FRMD4B: variants seen among roughly 807,000 people sequenced by gnomAD.
FRMD4B encodes the protein FERM domain-containing protein 4B.
Under a neutral mutation model 141.5 loss-of-function variants are expected in FRMD4B, and 74 were observed. The observed-to-expected ratio is 0.52, with a 90% CI of 0.43 to 0.63. The LOEUF is 0.63. Among genes scored for constraint, FRMD4B ranks in the 30% least tolerant of loss-of-function variants. The pLI is 0.00. For synonymous variants in FRMD4B, 506 were observed against 467.9 expected, an observed-to-expected ratio of 1.08 and a Z score of -1.05; for missense variants, 1,366 against 1,253.4, an observed-to-expected ratio of 1.09 and a Z score of -1.36.
chr3:69,465,358 C>A (rs1021696742), intron 1 of FRMD4B, among the ~76,000 whole-genome samples: 1 of 151,562 alleles, frequency 6.6e-6, no homozygotes, highest in Admixed American at 6.6e-5. Context: ...TACAGAATTC[C>A]ATGAGACATT....
chr3:69,430,478 T>C (rs1461776800), intron 2 of FRMD4B, among the ~76,000 whole-genome samples: 3 of 152,294 alleles, frequency 2.0e-5, no homozygotes, highest in Middle Eastern at 3.4e-3. Flanking sequence ...TGTAAAGATG[T>C]TGTCTGTCTA....
At chr3:69,197,140 T>C in intron 12 of FRMD4B, 102 bp from the exon 13 acceptor site, 1 of 854,136 alleles carries the variant, frequency 1.2e-6, no homozygotes, top group Non-Finnish European at 1.8e-6. Context: ...TCCTCTTACC[T>C]GTCTTCTGTT....
intron 1 of FRMD4B, among the ~76,000 whole-genome samples, chr3:69,461,348 T>C (rs1350263843): frequency 1.3e-5 from 2 of 151,900 alleles, no homozygotes; most frequent in East Asian, 3.9e-4. Flanking sequence ...TGCTTGAAGC[T>C]GGGAGTTCGA....
At chr3:69,265,003 C>T (rs954003646) in intron 5 of FRMD4B, among the ~76,000 whole-genome samples, 26 of 151,914 alleles carry the variant, frequency 1.7e-4, no homozygotes, top group Admixed American at 8.5e-4. Context: ...CGCCTGTAAT[C>T]CCAACACTTT....
Position 69,534,203 on chromosome 3 carries a change from G to A in FRMD4B, c.-129+8003C>T, listed in dbSNP as rs563069530. On this transcript the variant is annotated intron_variant, in intron 1 of 5. Transcript: ENST00000459638. ...CCTTCATAGGTTTTGCCATTTTCCA[G>A]TACAATCTACACTATGTTTTACCTA... Among the ~76,000 whole-genome samples, 3 of 149,986 alleles carry A rather than the reference G, an allele frequency of 2.0e-5. No homozygotes were observed. In the East Asian group the frequency reaches 6.0e-4, roughly 30 times the overall value.
intron 3 of FRMD4B, among the ~76,000 whole-genome samples, chr3:69,308,438 CT>C (rs112662917): frequency 0.013 from 1,879 of 142,198 alleles, 27 homozygotes; most frequent in African/African-American, 0.045. Context: ...ATCACACTGG[CT>C]TTTTTTTTTT....
intron 1 of FRMD4B, among the ~76,000 whole-genome samples, chr3:69,458,871 AAAGG>A (rs1705660426): frequency 6.6e-6 from 1 of 151,380 alleles, no homozygotes; most frequent in African/African-American, 2.4e-5. Flanking sequence ...AAAAAAAAAA[AAAGG>A]AGTCTAATTT....
rs147028137 is a variant in FRMD4B, at chr3:69,217,617, A to G, written c.789+705T>C. Reference sequence around the variant, plus strand: ...AGACTGGGCAATAGAGCTAGACTCCATCTCAAAAACAAACAACAAAAAAAG... The same window carrying G: ...AGACTGGGCAATAGAGCTAGACTCCGTCTCAAAAACAAACAACAAAAAAAG... On this transcript the variant is annotated intron_variant, in intron 10 of 22. Transcript: ENST00000398540. Among the ~76,000 whole-genome samples the G allele has an allele frequency of 8.8e-3, 1,346 of 152,284 alleles. 13 individuals are homozygous for G. Among genetic ancestry groups the G allele is most frequent in the Non-Finnish European group, 0.014 (926 of 68,012 alleles).
chr3:69,301,144 T>A (rs1007941388), intron 4 of FRMD4B, among the ~76,000 whole-genome samples: 7 of 151,962 alleles, frequency 4.6e-5, no homozygotes, highest in African/African-American at 1.5e-4. Flanking sequence ...AGAAAAAAAA[T>A]TTAATTCATC....
intron 22 of FRMD4B, among the ~76,000 whole-genome samples, chr3:69,173,246 T>C (rs2092607417): frequency 6.6e-6 from 1 of 152,196 alleles, no homozygotes; most frequent in Non-Finnish European, 1.5e-5. Flanking sequence ...TTGACTGTAT[T>C]ATATACTAGG....
intron 2 of FRMD4B, among the ~76,000 whole-genome samples, chr3:69,429,025 T>G (rs543738525): frequency 2.2e-4 from 33 of 152,328 alleles, no homozygotes; most frequent in Admixed American, 1.9e-3. Context: ...GTGTCAGGAT[T>G]TCATAATACA....
chr3:69,427,568 C>T (rs891760388), intron 2 of FRMD4B, among the ~76,000 whole-genome samples: 10 of 146,864 alleles, frequency 6.8e-5, no homozygotes, highest in African/African-American at 2.5e-4. Context: ...AACCTTAGAA[C>T]ACTTGTGTTT....
At chr3:69,209,556 G>A (rs111633480) in intron 11 of FRMD4B, among the ~76,000 whole-genome samples, 2 of 152,136 alleles carry the variant, frequency 1.3e-5, no homozygotes, top group African/African-American at 4.8e-5. Context: ...GGCCCAGAAA[G>A]TTGAGTGACA....
chr3:69,196,295 A>T lies in FRMD4B; in HGVS notation c.1194T>A (p.Ser398Arg). 6.2e-7 allele frequency: 1 copy of T among 1,609,132 alleles called. No individual in the cohort carries two copies. The highest frequency in any genetic ancestry group is 8.5e-7 in the Non-Finnish European group (1 of 1,177,720). The change falls in exon 14 of 23, where the codon AGT becomes AGA. Residue 398 changes from serine to arginine, a missense_variant. Coordinates refer to ENST00000398540, the MANE Select transcript of FRMD4B (RefSeq NM_015123.3). ...TGCCATTACTTGCCATGATGAACTG[A>T]CTTTTCGTCTCCAGTGTCACCAGCT... ...ASKLVTLETK[S>R]QFIMASNGSL... is the part of the protein sequence containing the mutation.
chr3:69,193,499 A>T lies in FRMD4B; in HGVS notation c.1714+149T>A. ...CTCCAGCCTGGGCAACAAGAGTGAA[A>T]CTCTGTCTCCAAATAAAAAAGAAAA... On this transcript the variant is annotated intron_variant, in intron 17 of 22. Coordinates refer to ENST00000398540, the MANE Select transcript of FRMD4B (RefSeq NM_015123.3). 3 of 607,474 alleles carry T rather than the reference A, an allele frequency of 4.9e-6. No homozygotes were observed. The South Asian group carries it at 6.3e-5, about 13-fold the overall frequency. 37.6% of individuals were successfully genotyped at this position (607,474 alleles called of 1,614,324 possible). A position where few individuals can be genotyped will look rare whatever the true frequency, so the allele number is the denominator to read the frequency against.
chr3:69,177,757 G>A (rs1005890909), intron 21 of FRMD4B, among the ~76,000 whole-genome samples: 2 of 152,234 alleles, frequency 1.3e-5, no homozygotes, highest in Admixed American at 6.5e-5. Context: ...ACGCTATGGT[G>A]TTATAAAGGT....
rs575118960 is a variant in FRMD4B, at chr3:69,534,503, A to G, written c.-129+7703T>C. On this transcript the variant is annotated intron_variant, in intron 1 of 5. Coordinates refer to the FRMD4B transcript ENST00000459638. ...GCTGGATTAGAAGACATCTAAGTCC[A>G]GTGCTCCTGAACTGTATCTGTGCCT... is the stretch of plus-strand genomic sequence containing the variant. Among the ~76,000 whole-genome samples, 18 of 152,350 alleles carry G rather than the reference A, an allele frequency of 1.2e-4. No homozygotes were observed. In the South Asian group the frequency reaches 3.5e-3, roughly 30 times the overall value.
chr3:69,446,305 C>T (rs943673501), intron 1 of FRMD4B, among the ~76,000 whole-genome samples: 1 of 151,642 alleles, frequency 6.6e-6, no homozygotes, highest in African/African-American at 2.4e-5. Context: ...GGTTTGCAGG[C>T]GTGAGCCACC....
intron 11 of FRMD4B, among the ~76,000 whole-genome samples, chr3:69,215,477 G>C (rs2093131910): frequency 6.6e-6 from 1 of 151,424 alleles, no homozygotes; most frequent in Non-Finnish European, 1.5e-5. Flanking sequence ...ATTTTTAGTA[G>C]AGACGGGGTT....
Sources: gnomAD v4.1 joint callset for allele counts (sites outside exome capture counted in the v4.1 genomes callset) on GRCh38, gnomAD v4.1.1 for gene constraint, MANE v1.5 for transcripts, NCBI Gene and HGNC (gene_info 2026-07-23, HGNC 2026-07-21) for gene names.